TIA1: variants seen among roughly 807,000 people sequenced by gnomAD.
The protein encoded by TIA1 is TIA1 cytotoxic granule associated RNA binding protein.
TIA1 carries 23 observed loss-of-function variants against 65.9 expected under a neutral mutation model. The observed-to-expected ratio is 0.35, with a 90% CI of 0.25 to 0.49. TIA1 has a LOEUF of 0.49. TIA1 is among the 20% of genes least tolerant of loss of function. TIA1 has a pLI of 0.98. For synonymous variants in TIA1, 147 were observed against 149.4 expected, an observed-to-expected ratio of 0.98 and a Z score of 0.12; for missense variants, 371 against 477.9, an observed-to-expected ratio of 0.78 and a Z score of 2.09.
chr2:70,242,292 G>A (rs953690551), intron 1 of TIA1, among the ~76,000 whole-genome samples: 1 of 151,886 alleles, frequency 6.6e-6, no homozygotes, highest in African/African-American at 2.4e-5. Flanking sequence ...CAGCACTTTG[G>A]GAGGCTGAGG....
chr2:70,248,443 C>T lies in TIA1; in HGVS notation c.-13G>A, dbSNP rs139008514. 1,788 of 1,600,762 alleles carry T rather than the reference C, an allele frequency of 1.1e-3. 31 individuals are homozygous for T. The South Asian group carries it at 0.015, about 14-fold the overall frequency. ...TCTCGTCCTCCATGGCTGCTGCTGT[C>T]GCGGCGGCGCCTCCAGGTCCAGCTC... On this transcript the variant is annotated 5_prime_UTR_variant, in exon 1 of 13. Coordinates refer to ENST00000433529, the MANE Select transcript of TIA1 (RefSeq NM_022173.4).
intron 10 of TIA1, 52 bp from the exon 11 acceptor site, chr2:70,215,546 T>C: frequency 6.7e-7 from 1 of 1,501,706 alleles, no homozygotes; most frequent in East Asian, 2.4e-5. Context: ...TAAATATTTA[T>C]GAATAAAACC....
chr2:70,245,349 C>T (rs1453707396), intron 1 of TIA1, among the ~76,000 whole-genome samples: 1 of 152,110 alleles, frequency 6.6e-6, no homozygotes, highest in African/African-American at 2.4e-5. Context: ...ATGGGAAAGC[C>T]GCACAATAAC....
rs1290866919 is a variant in TIA1 at position 70,209,491 on chromosome 2, ACT to A, written c.*3226_*3227del. On this transcript the variant is annotated 3_prime_UTR_variant, in exon 13 of 13. Coordinates refer to ENST00000433529, the MANE Select transcript of TIA1 (RefSeq NM_022173.4). ...ATTTTATTAAGGCTCTTAAATTGAA[ACT>A]CATCATTTTGGATGTACATTCAAAT... 5.5e-5 allele frequency: 22 copies of A among 397,614 alleles called. No homozygotes were observed. The Admixed American group carries it at 8.8e-4, about 16-fold the overall frequency. The allele number at this position is 397,614 out of a possible 1,614,324, so 24.6% of individuals were successfully genotyped here. A position where few individuals can be genotyped will look rare whatever the true frequency, so the allele number is the denominator to read the frequency against.
chr2:70,218,668 C>T (rs535745492), intron 7 of TIA1, among the ~76,000 whole-genome samples: 5 of 152,154 alleles, frequency 3.3e-5, no homozygotes, highest in Non-Finnish European at 4.4e-5. Context: ...CTCCTGACCT[C>T]GTGATCCGCC....
intron 1 of TIA1, among the ~76,000 whole-genome samples, chr2:70,238,696 G>A (rs187019278): frequency 3.9e-5 from 6 of 152,010 alleles, no homozygotes; most frequent in African/African-American, 1.4e-4. Context: ...TTATGAGTTG[G>A]TTATCAATAT....
intron 2 of TIA1, among the ~76,000 whole-genome samples, chr2:70,234,113 A>T (rs963100834): frequency 6.6e-6 from 1 of 152,226 alleles, no homozygotes; most frequent in Non-Finnish European, 1.5e-5. Context: ...AGCCAGAGAG[A>T]GAGTAGCAGC....
At chr2:70,239,388 G>A (rs112659875) in intron 1 of TIA1, among the ~76,000 whole-genome samples, 1,773 of 152,136 alleles carry the variant, frequency 0.012, 38 homozygotes, top group African/African-American at 0.041. Context: ...CACTGCGCCC[G>A]GCCAATAAAG....
intron 6 of TIA1, among the ~76,000 whole-genome samples, chr2:70,226,976 C>T (rs1487490637): frequency 1.3e-5 from 2 of 152,096 alleles, no homozygotes. Flanking sequence ...TCTGTTCAAA[C>T]CAAACCACAG....
rs183088849 is a variant in TIA1 at position 70,245,445 on chromosome 2, A to T, written c.26+2960T>A. On this transcript the variant is annotated intron_variant, in intron 1 of 12. Coordinates refer to ENST00000433529, the MANE Select transcript of TIA1 (RefSeq NM_022173.4). ...TAAGGTGTCTGGATTTGAGGGAATT[A>T]ACTTTCATCAACTAACACCAGCAAT... is the stretch of plus-strand genomic sequence containing the variant. Among the ~76,000 whole-genome samples, 3 of 152,372 alleles carry T rather than the reference A, an allele frequency of 2.0e-5. No individual in the cohort carries two copies. In the East Asian group the frequency reaches 5.8e-4, roughly 29 times the overall value.
chr2:70,224,763 C>A (rs995169444), intron 6 of TIA1, 134 bp from the exon 7 acceptor site: 18 of 1,423,772 alleles, frequency 1.3e-5, no homozygotes, highest in Non-Finnish European at 1.3e-5. Flanking sequence ...ACCTTTTATT[C>A]TACAAAATTT....
chr2:70,225,623 G>A (rs1348091828), intron 6 of TIA1, among the ~76,000 whole-genome samples: 5 of 152,140 alleles, frequency 3.3e-5, no homozygotes, highest in African/African-American at 1.2e-4. Context: ...TTCTATTAAA[G>A]TATACATAAG....
intron 2 of TIA1, among the ~76,000 whole-genome samples, chr2:70,231,104 C>G (rs570437102): frequency 4.1e-4 from 63 of 152,190 alleles, no homozygotes; most frequent in South Asian, 1.5e-3. Context: ...TTGAGACCAA[C>G]TTGGCCAACG....
intron 4 of TIA1, 46 bp downstream of exon 4, chr2:70,229,218 T>G: frequency 6.2e-7 from 1 of 1,608,172 alleles, no homozygotes; most frequent in Non-Finnish European, 8.5e-7. Context: ...ATAAAACTAC[T>G]GGGTACAATA....
chr2:70,230,534 C>T (rs1423899150), intron 3 of TIA1, among the ~76,000 whole-genome samples: 1 of 151,768 alleles, frequency 6.6e-6, no homozygotes, highest in Non-Finnish European at 1.5e-5. Flanking sequence ...TTCCTGTAAT[C>T]CCAGCTACTA....
chr2:70,216,849 A>T, intron 8 of TIA1, 37 bp downstream of exon 8: 1 of 1,613,686 alleles, frequency 6.2e-7, no homozygotes, highest in Non-Finnish European at 8.5e-7. Context: ...TTTTTCTCCA[A>T]AATTCCACAT....
At chr2:70,242,370 A>G (rs561835778) in intron 1 of TIA1, among the ~76,000 whole-genome samples, 9 of 151,846 alleles carry the variant, frequency 5.9e-5, no homozygotes, top group Non-Finnish European at 1.3e-4. Context: ...GCCTCTACTA[A>G]AAACACAAAA....
intron 5 of TIA1, chr2:70,228,465 G>A: frequency 7.9e-7 from 1 of 1,273,690 alleles, no homozygotes; most frequent in Non-Finnish European, 1.0e-6. Flanking sequence ...AACTAAGACT[G>A]AAGGCAACAG....
rs1376187903 is a variant in TIA1 at position 70,210,897 on chromosome 2, G to A, written c.*1822C>T. 2.0e-5 allele frequency: 3 copies of A among 152,142 alleles called. No individual in the cohort carries two copies. Among genetic ancestry groups the A allele is most frequent in the Admixed American group, 6.5e-5 (1 of 15,268 alleles). 9.4% of individuals were successfully genotyped at this position (152,142 alleles called of 1,614,324 possible). ...ATGTATCAACACTTAAAAATACACA[G>A]TGACTTAATGAAATATCAGCACAAC... On this transcript the variant is annotated 3_prime_UTR_variant, in exon 13 of 13. Coordinates refer to ENST00000433529, the MANE Select transcript of TIA1 (RefSeq NM_022173.4).
Sources: allele counts gnomAD v4.1 joint callset (sites outside exome capture counted in the v4.1 genomes callset), GRCh38; gene constraint gnomAD v4.1.1; transcripts MANE v1.5; gene names NCBI Gene and HGNC (gene_info 2026-07-23, HGNC 2026-07-21).